CFAP206: variants seen among roughly 807,000 people sequenced by gnomAD.
CFAP206 encodes cilia and flagella associated protein 206.
CFAP206 carries 53 observed loss-of-function variants against 65.4 expected under a neutral mutation model. That is an observed-to-expected ratio of 0.81 (90% CI 0.65 to 1.02). The LOEUF is 1.02. Ranked by LOEUF, CFAP206 falls within the 50% of genes least tolerant of loss-of-function variation. The pLI is 0.00. For missense variants in CFAP206, 663 were observed against 753.2 expected (o/e 0.88, Z 1.40); for synonymous variants, 250 against 254.4 (o/e 0.98, Z 0.17).
At chr6:87,425,972 A>G in intron 7 of CFAP206, 1 of 159,064 alleles carries the variant, frequency 6.3e-6, no homozygotes, top group South Asian at 1.9e-4. Flanking sequence ...GAGTCATTTC[A>G]ATGATGAACT....
chr6:87,425,399 C>T (rs973908913), intron 7 of CFAP206, among the ~76,000 whole-genome samples: 1 of 152,146 alleles, frequency 6.6e-6, no homozygotes, highest in Non-Finnish European at 1.5e-5. Flanking sequence ...TCTTAGTTAT[C>T]ATAAAGTCAA....
In CFAP206 at chr6:87,433,797, T is replaced by C. The variant is rs1194545155; in HGVS notation, c.1301-1063T>C. 3.3e-5 allele frequency among the ~76,000 whole-genome samples: 5 copies of C among 152,230 alleles called. No individual in the cohort carries two copies. In the South Asian group the frequency reaches 6.2e-4, roughly 19 times the overall value. On this transcript the variant is annotated intron_variant, in intron 10 of 12. Transcript: ENST00000369562. ...TAGCAAAATAAAAGCATAACTGATA[T>C]GTTAAAAATGGAGTGGAAGGGGCTG...
intron 3 of CFAP206, among the ~76,000 whole-genome samples, chr6:87,412,647 T>G (rs1767755026): frequency 6.6e-6 from 1 of 151,992 alleles, no homozygotes; most frequent in African/African-American, 2.4e-5. Flanking sequence ...TAATTTTAAT[T>G]TAATTTAATT....
At chr6:87,431,201 C>T (rs766709442) in intron 10 of CFAP206, 28 bp downstream of exon 10, 4 of 1,593,880 alleles carry the variant, frequency 2.5e-6, no homozygotes. Flanking sequence ...AGACTGCTCT[C>T]CTTTCCCCGA....
At chr6:87,419,797 A>G (rs181914906) in intron 7 of CFAP206, among the ~76,000 whole-genome samples, 1 of 152,292 alleles carries the variant, frequency 6.6e-6, no homozygotes, top group East Asian at 1.9e-4. Flanking sequence ...TGTCCTCACA[A>G]CTAGCCTATC....
chr6:87,435,246 G>A, intron 11 of CFAP206, 193 bp downstream of exon 11: 1 of 422,656 alleles, frequency 2.4e-6, no homozygotes. Context: ...AACAGGATAT[G>A]GAGTCAAATT....
chr6:87,425,626 A>T (rs1011221361), intron 7 of CFAP206, among the ~76,000 whole-genome samples: 7 of 152,242 alleles, frequency 4.6e-5, no homozygotes, highest in African/African-American at 1.2e-4. Context: ...TTAAAGGCTC[A>T]AAGATCACCG....
chr6:87,415,704 A>G lies in CFAP206; in HGVS notation c.302A>G (p.His101Arg). 1 of 1,604,500 alleles carries G rather than the reference A, an allele frequency of 6.2e-7. No individual in the cohort carries two copies. Among genetic ancestry groups the G allele is most frequent in the Non-Finnish European group, 8.5e-7 (1 of 1,176,020 alleles). ...YTNRVEFLEE[H>R]HRVLESRLGS... Reference sequence around the variant, plus strand: ...ATTTTAGTGGAATTTCTCGAAGAACATCACCGGGTCCTAGAGTCTAGATTA... The same window carrying G: ...ATTTTAGTGGAATTTCTCGAAGAACGTCACCGGGTCCTAGAGTCTAGATTA... Residue 101 changes from histidine to arginine, a missense_variant, in exon 5 of 13, where the codon CAT (histidine) becomes CGT (arginine). His to Arg is a conservative substitution (Grantham distance 29). Coordinates refer to ENST00000369562, the MANE Select transcript of CFAP206 (RefSeq NM_001031743.3).
chr6:87,411,190 C>G (rs1257078721), intron 3 of CFAP206, among the ~76,000 whole-genome samples: 1 of 152,166 alleles, frequency 6.6e-6, no homozygotes, highest in Non-Finnish European at 1.5e-5. Flanking sequence ...TTAGTGAAAC[C>G]TTGTTACTAA....
Position 87,426,642 on chromosome 6 carries a change from C to A in CFAP206, c.957C>A (p.Val319=). Residue 319 remains valine (V), a synonymous_variant, in exon 8 of 13, where the codon GTC becomes GTA. Transcript: ENST00000369562. ...KSKIAVPTSQ[V]FPIFIALSTL... Reference sequence around the variant, plus strand: ...AGATAGCGGTCCCAACATCACAAGTCTTTGTAAGTATTTGTCATAAACTTT... The same window carrying A: ...AGATAGCGGTCCCAACATCACAAGTATTTGTAAGTATTTGTCATAAACTTT... 2 of 1,574,490 alleles carry A rather than the reference C, an allele frequency of 1.3e-6. No individual in the cohort carries two copies. Among genetic ancestry groups the A allele is most frequent in the South Asian group, 2.4e-5 (2 of 81,976 alleles).
At chr6:87,417,888 C>T (rs909766249) in intron 6 of CFAP206, among the ~76,000 whole-genome samples, 5 of 151,248 alleles carry the variant, frequency 3.3e-5, no homozygotes, top group African/African-American at 1.2e-4. Flanking sequence ...TACAGGCATG[C>T]GCCACCACGC....
intron 10 of CFAP206, among the ~76,000 whole-genome samples, chr6:87,432,782 G>A (rs1768181819): frequency 6.6e-6 from 1 of 152,112 alleles, no homozygotes; most frequent in Admixed American, 6.5e-5. Context: ...GAGCTTTTGG[G>A]GCCATGAGTT....
chr6:87,441,006 T>A (rs1417763904), intron 11 of CFAP206, among the ~76,000 whole-genome samples: 1 of 152,206 alleles, frequency 6.6e-6, no homozygotes, highest in Non-Finnish European at 1.5e-5. Flanking sequence ...AGCTCTTTGA[T>A]ATACTAATGC....
intron 11 of CFAP206, among the ~76,000 whole-genome samples, chr6:87,437,885 T>C: frequency 6.7e-6 from 1 of 150,264 alleles, no homozygotes; most frequent in East Asian, 2.0e-4. Context: ...TGCCTCACTT[T>C]GTTGCTCAGG....
At chr6:87,418,454 A>G (rs1353802058) in intron 7 of CFAP206, 38 bp downstream of exon 7, 1 of 1,566,290 alleles carries the variant, frequency 6.4e-7, no homozygotes, top group East Asian at 2.2e-5. Context: ...TTTCTATATA[A>G]TGCAATCTCT....
At chr6:87,456,845 T>C (rs920636759) in intron 11 of CFAP206, among the ~76,000 whole-genome samples, 2 of 151,896 alleles carry the variant, frequency 1.3e-5, no homozygotes, top group Non-Finnish European at 1.5e-5. Flanking sequence ...CTATAAAACA[T>C]TGATGAAAGA....
exon 13 of CFAP206, chr6:87,464,461 TTTTA>T (rs756409202): frequency 4.3e-5 from 16 of 368,458 alleles, 1 homozygote; most frequent in African/African-American, 2.0e-4. Flanking sequence ...TCCATTTATC[TTTTA>T]TTTGTTAGAA....
intron 11 of CFAP206, among the ~76,000 whole-genome samples, chr6:87,455,774 C>T (rs1768629010): frequency 6.6e-6 from 1 of 152,092 alleles, no homozygotes; most frequent in Non-Finnish European, 1.5e-5. Context: ...GAAATAAATT[C>T]ATAGACACAT....
At position 87,431,044 on chromosome 6, in the gene CFAP206, A is replaced by G; in HGVS notation, c.1171A>G (p.Asn391Asp). ...RMKEHMEDRV[N>D]VADFRKLEWL... ...CTCCTTCATTTTAGAAGATAGAGTA[A>G]ATGTGGCAGATTTCAGAAAACTAGA... is the stretch of plus-strand genomic sequence containing the variant. Residue 391 changes from asparagine to aspartate, a missense_variant, in exon 10 of 13, where the codon AAT becomes GAT. Transcript: ENST00000369562. 1 of 1,613,894 alleles carries G rather than the reference A, an allele frequency of 6.2e-7. No homozygotes were observed. Among genetic ancestry groups the G allele is most frequent in the Non-Finnish European group, 8.5e-7 (1 of 1,179,868 alleles).
Sources: allele counts gnomAD v4.1 joint callset (sites outside exome capture counted in the v4.1 genomes callset), GRCh38; gene constraint gnomAD v4.1.1; transcripts MANE v1.5; gene names NCBI Gene and HGNC (gene_info 2026-07-23, HGNC 2026-07-21).